Variants in ZNF469 observed in about 807,000 individuals in gnomAD.
The protein encoded by ZNF469 is zinc finger protein 469.
ZNF469 carries 1 observed loss-of-function variant against 1.0 expected under a neutral mutation model. The observed-to-expected ratio is 1.00, with a 90% confidence interval of 0.35 to 4.73. ZNF469 has a LOEUF of 4.73. Among genes scored for constraint, ZNF469 ranks in the 30% most tolerant of loss-of-function variants. ZNF469 has a pLI of 0.16. For synonymous variants in ZNF469, 2,703 were observed against 2,363.4 expected, an observed-to-expected ratio of 1.14 and a Z score of -4.17; for missense variants, 6,100 against 5,356.3, an observed-to-expected ratio of 1.14 and a Z score of -4.33.
chr16:88,331,566 T>TCAC, the ZNF469 span, among the ~76,000 whole-genome samples: 53 of 146,052 alleles, frequency 3.6e-4, 1 homozygote, highest in South Asian at 4.5e-3. Flanking sequence ...GTCATCACCA[T>TCAC]CACCACCACC....
the ZNF469 span, among the ~76,000 whole-genome samples, chr16:88,126,768 C>G: frequency 6.6e-6 from 1 of 152,028 alleles, no homozygotes; most frequent in African/African-American, 2.4e-5. Context: ...ATTCTCCTGC[C>G]TCAGCCTCCT....
chr16:88,212,668 C>A, the ZNF469 span, among the ~76,000 whole-genome samples: 1 of 152,154 alleles, frequency 6.6e-6, no homozygotes. Context: ...GCAACCTCTA[C>A]CTCCTGGGCT....
chr16:88,356,811 G>T, the ZNF469 span, among the ~76,000 whole-genome samples: 3 of 152,176 alleles, frequency 2.0e-5, no homozygotes, highest in Non-Finnish European at 4.4e-5. Flanking sequence ...GAAGCTCCCC[G>T]GGGCAGGAGC....
chr16:88,122,955 G>GCCTC, the ZNF469 span, among the ~76,000 whole-genome samples: 3 of 152,176 alleles, frequency 2.0e-5, no homozygotes, highest in East Asian at 5.8e-4. Context: ...TGATCCTCCA[G>GCCTC]AATAGCTGGG....
chr16:88,276,257 C>G, the ZNF469 span, among the ~76,000 whole-genome samples: 1 of 152,092 alleles, frequency 6.6e-6, no homozygotes, highest in Non-Finnish European at 1.5e-5. Flanking sequence ...AGCGAGTGTG[C>G]TAAAACCATC....
At chr16:88,427,077 T>G (rs1409191557) in intron 2 of ZNF469, among the ~76,000 whole-genome samples, 1 of 140,948 alleles carries the variant, frequency 7.1e-6, no homozygotes, top group African/African-American at 2.7e-5. Context: ...TCCCTCCCCC[T>G]CCACTCAATC....
At chr16:88,339,043 C>T in the ZNF469 span, among the ~76,000 whole-genome samples, 1 of 151,382 alleles carries the variant, frequency 6.6e-6, no homozygotes, top group South Asian at 2.1e-4. Context: ...GAGCTGGACT[C>T]CCCAGGGCTG....
the ZNF469 span, among the ~76,000 whole-genome samples, chr16:88,204,735 T>C: frequency 1.3e-5 from 2 of 152,202 alleles, no homozygotes; most frequent in Non-Finnish European, 2.9e-5. Context: ...TGGTCTCAAA[T>C]GACTTTGCTT....
the ZNF469 span, among the ~76,000 whole-genome samples, chr16:88,222,995 T>G: frequency 6.6e-6 from 1 of 152,210 alleles, no homozygotes; most frequent in Admixed American, 6.5e-5. Flanking sequence ...AAAAGAGGGT[T>G]GAAACCAGTT....
the ZNF469 span, among the ~76,000 whole-genome samples, chr16:88,181,306 G>A: frequency 2.6e-5 from 4 of 151,628 alleles, no homozygotes; most frequent in Non-Finnish European, 4.4e-5. Flanking sequence ...TCCTGACCTC[G>A]TGATCCACCC....
the ZNF469 span, among the ~76,000 whole-genome samples, chr16:88,145,134 G>A: frequency 6.6e-6 from 1 of 151,780 alleles, no homozygotes; most frequent in African/African-American, 2.4e-5. Context: ...CACTGCACCC[G>A]GCCCATTGTT....
the ZNF469 span, among the ~76,000 whole-genome samples, chr16:88,273,025 A>G: frequency 6.6e-6 from 1 of 150,726 alleles, no homozygotes; most frequent in African/African-American, 2.5e-5. Context: ...CGGATGGATG[A>G]ATGGGTGGGT....
rs1906361411 is a variant in ZNF469, at chr16:88,433,682, C to T, written c.6212C>T (p.Thr2071Ile). The T allele has an allele frequency of 1.3e-6, 2 of 1,549,476 alleles. No homozygotes were observed. The highest frequency in any genetic ancestry group is 8.7e-7 in the Non-Finnish European group (1 of 1,146,674). Residue 2071 changes from threonine to isoleucine, a missense_variant, in exon 3 of 3, where the codon ACA becomes ATA. Physicochemically the swap from Thr to Ile is moderately conservative, Grantham distance 89. Coordinates refer to ENST00000565624, the MANE Select transcript of ZNF469 (RefSeq NM_001367624.2). Reference sequence around the variant, plus strand: ...AGGGAGTCCCTGGCGCTGGCCTTGACAGCAGCCCACAGCCGAAGTGGATCT... The same window carrying T: ...AGGGAGTCCCTGGCGCTGGCCTTGATAGCAGCCCACAGCCGAAGTGGATCT... ...PNRESLALAL[T>I]AAHSRSGSEG...
the ZNF469 span, among the ~76,000 whole-genome samples, chr16:88,369,147 T>G: frequency 5.9e-5 from 9 of 151,606 alleles, no homozygotes; most frequent in African/African-American, 1.9e-4. Context: ...CCTGCATCCT[T>G]GGGCGCCATC....
rs762820212 is a variant in ZNF469 at position 88,430,990 on chromosome 16, C to A, written c.3520C>A (p.Pro1174Thr). The A allele has an allele frequency of 1.3e-6, 2 of 1,541,490 alleles. No individual in the cohort carries two copies. Among genetic ancestry groups the A allele is most frequent in the East Asian group, 4.9e-5 (2 of 40,876 alleles). The change falls in exon 3 of 3, where the codon CCG becomes ACG. Residue 1174 changes from proline to threonine, a missense_variant. Pro to Thr is a conservative substitution (Grantham distance 38). Transcript: ENST00000565624. The part of the protein sequence containing the change: ...GPGRSPQARG[P>T]SRSLETGAAA... ...CGGCAGGAGCCCTCAGGCCCGTGGC[C>A]CGTCTCGAAGCCTGGAGACGGGAGC...
chr16:88,285,359 T>G, the ZNF469 span, among the ~76,000 whole-genome samples: 1 of 152,206 alleles, frequency 6.6e-6, no homozygotes, highest in African/African-American at 2.4e-5. Context: ...TCGGCATCTG[T>G]GCAGGGGATC....
At chr16:88,168,507 G>A in the ZNF469 span, among the ~76,000 whole-genome samples, 186 of 152,256 alleles carry the variant, frequency 1.2e-3, no homozygotes, top group African/African-American at 4.1e-3. This position sits in a 1 kb window ranked among gnomAD's most constrained non-coding sequence, Gnocchi z 4.3. Flanking sequence ...GGGGTTGCTC[G>A]TGTGTGATTG....
chr16:88,432,255 C>T lies in ZNF469; in HGVS notation c.4785C>T (p.Gly1595=). 1 of 1,548,258 alleles carries T rather than the reference C, an allele frequency of 6.5e-7. No individual in the cohort carries two copies. Among genetic ancestry groups the T allele is most frequent in the South Asian group, 1.2e-5 (1 of 84,058 alleles). Residue 1595 remains glycine (G), a synonymous_variant, in exon 3 of 3, where the codon GGC becomes GGT. Transcript: ENST00000565624. The part of the protein sequence containing the change: ...PRELAEAESV[G]RVELGTGTEP... ...AGCTTGCAGAAGCTGAGTCGGTGGG[C>T]AGGGTGGAGCTCGGCACAGGCACAG...
At chr16:88,365,108 A>G in the ZNF469 span, among the ~76,000 whole-genome samples, 1 of 152,240 alleles carries the variant, frequency 6.6e-6, no homozygotes, top group East Asian at 1.9e-4. Flanking sequence ...GGAAAATGAA[A>G]TAGCATTATT....
Sources: gnomAD v4.1 joint callset for allele counts (sites outside exome capture counted in the v4.1 genomes callset) on GRCh38, gnomAD v4.1.1 for gene constraint, Gnocchi (gnomAD v3.1) non-coding constraint, MANE v1.5 for transcripts, NCBI Gene and HGNC (gene_info 2026-07-23, HGNC 2026-07-21) for gene names.